Variants in DMD observed in about 807,000 individuals in gnomAD.
The protein encoded by DMD is mutant dystrophin.
A neutral mutation model predicts 330.1 loss-of-function variants in DMD; 63 were observed. The observed-to-expected ratio is 0.19, with a 90% CI of 0.16 to 0.24. The LOEUF (loss-of-function observed/expected upper bound fraction) is 0.24. Among genes scored for constraint, DMD ranks in the 10% least tolerant of loss-of-function variants. The pLI is 1.00. For missense variants in DMD, 3,344 were observed against 2,684.1 expected (o/e 1.25, Z -5.43); for synonymous variants, 1,223 against 959.8 (o/e 1.27, Z -5.07).
At chrX:31,946,531 G>T (rs1348575231) in intron 45 of DMD, among the ~76,000 whole-genome samples, 1 of 111,646 alleles carries the variant, frequency 9.0e-6, no homozygotes, top group Non-Finnish European at 1.9e-5. Flanking sequence ...TGAACTTAGG[G>T]AGTCTACCTA....
chrX:32,724,972 T>G (rs943021467), intron 7 of DMD, among the ~76,000 whole-genome samples: 1 of 111,702 alleles, frequency 9.0e-6, no homozygotes, highest in Non-Finnish European at 1.9e-5. Context: ...AAATAAACTT[T>G]AACAGCTTAG....
chrX:32,638,102 C>A (rs953868087), intron 11 of DMD, among the ~76,000 whole-genome samples: 1 of 111,784 alleles, frequency 8.9e-6, no homozygotes, highest in Non-Finnish European at 1.9e-5. Flanking sequence ...CATGTGCAAC[C>A]TAACCGAATG....
chrX:32,692,324 C>T (rs1364925836), intron 9 of DMD, among the ~76,000 whole-genome samples: 5 of 112,017 alleles, frequency 4.5e-5, no homozygotes, highest in Non-Finnish European at 9.4e-5. Flanking sequence ...CCTAACAATT[C>T]TGTTTCTGGG....
intron 44 of DMD, among the ~76,000 whole-genome samples, chrX:32,139,070 G>A (rs2096741018): frequency 8.9e-6 from 1 of 112,018 alleles, no homozygotes; most frequent in Non-Finnish European, 1.9e-5. Flanking sequence ...AATCGGAGAC[G>A]ATTATTCATT....
chrX:32,149,167 A>C (rs1262065322), intron 44 of DMD, among the ~76,000 whole-genome samples: 1 of 111,833 alleles, frequency 8.9e-6, no homozygotes, highest in South Asian at 3.7e-4. Context: ...AAATGTCTCC[A>C]AGGTTTTCTC....
intron 41 of DMD, among the ~76,000 whole-genome samples, chrX:32,324,332 G>C (rs892917215): frequency 9.0e-6 from 1 of 111,015 alleles, no homozygotes; most frequent in East Asian, 2.8e-4. Flanking sequence ...CCATCTATAG[G>C]CTGTTTACAA....
At chrX:31,372,201 T>G (rs1026072668) in intron 60 of DMD, among the ~76,000 whole-genome samples, 3 of 111,713 alleles carry the variant, frequency 2.7e-5, no homozygotes, top group African/African-American at 9.8e-5. Flanking sequence ...AGCAGGAGTT[T>G]TGCGAAATTA....
chrX:32,917,826 C>A (rs903046920), intron 2 of DMD, among the ~76,000 whole-genome samples: 1 of 110,985 alleles, frequency 9.0e-6, no homozygotes, highest in Non-Finnish European at 1.9e-5. Flanking sequence ...TTCCCACTAT[C>A]GGAGACTCCC....
intron 1 of DMD, among the ~76,000 whole-genome samples, chrX:33,043,529 A>G (rs1410095009): frequency 9.0e-6 from 1 of 110,522 alleles, no homozygotes; most frequent in Admixed American, 9.7e-5. Flanking sequence ...TTTTTTGCCT[A>G]CTCTTTAAGG....
intron 60 of DMD, among the ~76,000 whole-genome samples, chrX:31,356,255 T>C (rs2058673308): frequency 8.9e-6 from 1 of 111,770 alleles, no homozygotes; most frequent in African/African-American, 3.3e-5. Flanking sequence ...TCTGAGACCA[T>C]CCTTAATCTA....
At chrX:32,609,857 G>C (rs1362834268) in intron 12 of DMD, among the ~76,000 whole-genome samples, 1 of 111,236 alleles carries the variant, frequency 9.0e-6, no homozygotes, top group Non-Finnish European at 1.9e-5. Flanking sequence ...CCAAGGTTAT[G>C]CATCTATGCA....
intron 43 of DMD, among the ~76,000 whole-genome samples, chrX:32,275,785 A>G (rs1462641067): frequency 8.9e-6 from 1 of 111,772 alleles, no homozygotes; most frequent in Non-Finnish European, 1.9e-5. Flanking sequence ...AACAATTCAA[A>G]AAAGTGAGAC....
At chrX:31,913,996 T>A (rs939411326) in intron 47 of DMD, among the ~76,000 whole-genome samples, 1 of 112,350 alleles carries the variant, frequency 8.9e-6, no homozygotes, top group Admixed American at 9.5e-5. Context: ...CTTTCCTTGT[T>A]TGCATCACCA....
intron 2 of DMD, among the ~76,000 whole-genome samples, chrX:32,894,334 T>A (rs904398035): frequency 1.8e-5 from 2 of 111,430 alleles, no homozygotes; most frequent in Admixed American, 1.9e-4. Flanking sequence ...GAGGTTTACA[T>A]ACAGGGGAGG....
rs1049555543 is a variant in DMD, at chrX:32,701,608, G to A, written c.650-2315C>T. The stretch of plus-strand genomic sequence containing the variant: ...TGTTCTTCCTTCTCACTAGTAACTA[G>A]TCAGCTGTACCTGTGATTAGCATAA... On this transcript the variant is annotated intron_variant, in intron 7 of 78. Coordinates refer to ENST00000357033, the MANE Select transcript of DMD (RefSeq NM_004006.3). Among the ~76,000 whole-genome samples the A allele has an allele frequency of 4.5e-5, 5 of 111,050 alleles. No individual in the cohort carries two copies. The East Asian group carries it at 1.1e-3, about 25-fold the overall frequency.
chrX:33,152,439 G>T (rs1034353254), intron 1 of DMD, among the ~76,000 whole-genome samples: 5 of 110,635 alleles, frequency 4.5e-5, no homozygotes, highest in Non-Finnish European at 9.4e-5. Flanking sequence ...CTCCCAAAAT[G>T]CTGGGATTAC....
intron 60 of DMD, among the ~76,000 whole-genome samples, chrX:31,361,903 G>A (rs745749897): frequency 6.4e-5 from 7 of 109,351 alleles, no homozygotes; most frequent in East Asian, 2.9e-4. Flanking sequence ...CCGAGTACCC[G>A]GGATTACAGG....
At chrX:32,129,402 C>A (rs1213834491) in intron 44 of DMD, among the ~76,000 whole-genome samples, 1 of 110,836 alleles carries the variant, frequency 9.0e-6, no homozygotes, top group Non-Finnish European at 1.9e-5. Flanking sequence ...CTCTTAGAGG[C>A]CAATTTGACA....
chrX:32,889,933 G>T (rs905425599), intron 2 of DMD, among the ~76,000 whole-genome samples: 29 of 111,212 alleles, frequency 2.6e-4, no homozygotes, highest in African/African-American at 8.8e-4. Context: ...CCCAGAGAAA[G>T]GGGGGGCATC....
Sources: gnomAD v4.1 joint callset for allele counts (sites outside exome capture counted in the v4.1 genomes callset) on GRCh38, gnomAD v4.1.1 for gene constraint, MANE v1.5 for transcripts, NCBI Gene and HGNC (gene_info 2026-07-23, HGNC 2026-07-21) for gene names.